Variants in NYAP2 observed in about 807,000 individuals in gnomAD.
NYAP2 encodes neuronal tyrosine-phosphorylated phosphoinositide-3-kinase adapter 2.
In NYAP2, 23 loss-of-function variants were observed where a neutral mutation model predicts 50.4. That is an observed-to-expected ratio of 0.46 (90% CI 0.33 to 0.65). NYAP2 has a LOEUF of 0.65. NYAP2 is among the 30% of genes least tolerant of loss of function. NYAP2 has a pLI of 0.02. For synonymous variants in NYAP2, 394 were observed against 365.2 expected (o/e 1.08, Z -0.90); for missense variants, 885 against 861.0 (o/e 1.03, Z -0.35).
chr2:225,560,311 T>C (rs1420738414), intron 4 of NYAP2, among the ~76,000 whole-genome samples: 1 of 152,142 alleles, frequency 6.6e-6, no homozygotes, highest in Non-Finnish European at 1.5e-5. Flanking sequence ...AATTTAGATA[T>C]ACAATATTCT....
intron 3 of NYAP2, among the ~76,000 whole-genome samples, chr2:225,410,936 C>A (rs1469603885): frequency 6.6e-6 from 1 of 152,108 alleles, no homozygotes; most frequent in African/African-American, 2.4e-5. Context: ...TTTGTGTGAA[C>A]TTTGAGTTGA....
chr2:225,410,232 T>C (rs1351999831), intron 3 of NYAP2, among the ~76,000 whole-genome samples: 1 of 152,078 alleles, frequency 6.6e-6, no homozygotes, highest in Non-Finnish European at 1.5e-5. Flanking sequence ...AGAACTCTTT[T>C]TTCTCTGGAC....
chr2:225,620,863 C>A (rs1361116990), intron 5 of NYAP2, among the ~76,000 whole-genome samples: 1 of 152,266 alleles, frequency 6.6e-6, no homozygotes, highest in Non-Finnish European at 1.5e-5. Flanking sequence ...CACCTGTAAT[C>A]CCAGCACTTT....
intron 4 of NYAP2, among the ~76,000 whole-genome samples, chr2:225,568,332 AT>A (rs1285046229): frequency 6.6e-6 from 1 of 151,988 alleles, no homozygotes; most frequent in East Asian, 1.9e-4. Flanking sequence ...ACCTGCCTCA[AT>A]TTTTCCACAT....
chr2:225,431,583 TATGTGCAA>T (rs1689249772), intron 3 of NYAP2, among the ~76,000 whole-genome samples: 1 of 152,232 alleles, frequency 6.6e-6, no homozygotes, highest in Non-Finnish European at 1.5e-5. Context: ...TAATCACATT[TATGTGCAA>T]ATGTTTTTAG....
chr2:225,473,054 C>T (rs1403660895), intron 3 of NYAP2, among the ~76,000 whole-genome samples: 16 of 152,090 alleles, frequency 1.1e-4, no homozygotes, highest in South Asian at 6.2e-4. Context: ...TGAGAACATG[C>T]GGTGTTTGGT....
chr2:225,476,962 G>T (rs190295996), intron 3 of NYAP2, among the ~76,000 whole-genome samples: 7 of 152,018 alleles, frequency 4.6e-5, no homozygotes, highest in Admixed American at 6.6e-5. Context: ...AAATTTTAAC[G>T]GTTGTTTTTT....
At chr2:225,398,703 CT>C (rs1441461761), upstream of NYAP2, among the ~76,000 whole-genome samples, 1 of 151,988 alleles carries the variant, frequency 6.6e-6, no homozygotes, top group Non-Finnish European at 1.5e-5. Flanking sequence ...GGCCTCTTCT[CT>C]TCCCCGTTTG....
At chr2:225,686,333 G>A in the NYAP2 span, among the ~76,000 whole-genome samples, 4 of 152,130 alleles carry the variant, frequency 2.6e-5, no homozygotes, top group Non-Finnish European at 5.9e-5. Context: ...GCAAGAGTTT[G>A]TAAAATGATG....
intron 3 of NYAP2, among the ~76,000 whole-genome samples, chr2:225,473,303 T>C (rs1292159839): frequency 1.3e-5 from 2 of 152,244 alleles, no homozygotes; most frequent in East Asian, 3.8e-4. Context: ...GCATGATTTA[T>C]AATCCTTTGG....
At chr2:225,409,225 C>A in intron 3 of NYAP2, 124 bp downstream of exon 3, 70 of 639,456 alleles carry the variant, frequency 1.1e-4, no homozygotes, top group East Asian at 3.5e-4. Flanking sequence ...TTGGTGAGAG[C>A]ATATGAAAGC....
At chr2:225,571,557 G>A (rs532563554) in intron 4 of NYAP2, among the ~76,000 whole-genome samples, 2 of 152,200 alleles carry the variant, frequency 1.3e-5, no homozygotes, top group Non-Finnish European at 2.9e-5. Context: ...CAATGGCCGA[G>A]TTGTACCTTG....
At chr2:225,578,518 C>T (rs372751898) in intron 4 of NYAP2, among the ~76,000 whole-genome samples, 15 of 152,106 alleles carry the variant, frequency 9.9e-5, no homozygotes, top group African/African-American at 2.4e-4. Context: ...AAGTAGTAAG[C>T]GCCTTCCACA....
chr2:225,456,683 C>T (rs974698160), intron 3 of NYAP2, among the ~76,000 whole-genome samples: 2 of 152,114 alleles, frequency 1.3e-5, no homozygotes, highest in African/African-American at 4.8e-5. Flanking sequence ...CAGCTTTCAC[C>T]CCATTCCTAG....
chr2:225,540,343 A>G (rs1025875545), intron 4 of NYAP2, among the ~76,000 whole-genome samples: 2 of 152,198 alleles, frequency 1.3e-5, no homozygotes, highest in Non-Finnish European at 2.9e-5. Flanking sequence ...GGCAATTTAT[A>G]AAAGAAAGAG....
chr2:225,677,725 T>G, the NYAP2 span, among the ~76,000 whole-genome samples: 1 of 152,196 alleles, frequency 6.6e-6, no homozygotes, highest in Non-Finnish European at 1.5e-5. Context: ...TTTATTGATT[T>G]GCATATGTTG....
At chr2:225,417,046 G>A (rs1695136544) in intron 3 of NYAP2, among the ~76,000 whole-genome samples, 1 of 152,084 alleles carries the variant, frequency 6.6e-6, no homozygotes. Context: ...TTCCTGTTGA[G>A]GTCTATTTTT....
At chr2:225,411,275 A>G (rs1055301545) in intron 3 of NYAP2, among the ~76,000 whole-genome samples, 3 of 152,128 alleles carry the variant, frequency 2.0e-5, no homozygotes, top group African/African-American at 7.2e-5. Context: ...GCAAGAGAAA[A>G]GAATTAATTA....
the NYAP2 span, among the ~76,000 whole-genome samples, chr2:225,665,134 CTTAACT>C: frequency 6.6e-6 from 1 of 152,118 alleles, no homozygotes; most frequent in Admixed American, 6.6e-5. Context: ...ATACATTTTA[CTTAACT>C]TTATTTAGAT....
Sources: gnomAD v4.1 joint callset for allele counts (sites outside exome capture counted in the v4.1 genomes callset) on GRCh38, gnomAD v4.1.1 for gene constraint, MANE v1.5 for transcripts, NCBI Gene and HGNC (gene_info 2026-07-23, HGNC 2026-07-21) for gene names.